Variants in DST observed in about 807,000 individuals in gnomAD.
The protein encoded by DST is bullous pemphigoid antigen.
DST carries 253 observed loss-of-function variants against 875.2 expected under a neutral mutation model. The observed-to-expected ratio is 0.29, with a 90% CI of 0.26 to 0.32. The LOEUF (loss-of-function observed/expected upper bound fraction) is 0.32, where lower values mean the gene tolerates loss of function less well. Ranked by LOEUF, DST falls within the 10% of genes least tolerant of loss-of-function variation. DST has a pLI of 1.00. For missense variants in DST, 8,287 were observed against 9,111.6 expected (o/e 0.91, Z 3.68); for synonymous variants, 3,124 against 3,197.1 (o/e 0.98, Z 0.77).
At chr6:56,485,557 G>T in intron 87 of DST, 86 bp from the exon 88 acceptor site, 2 of 1,326,308 alleles carry the variant, frequency 1.5e-6, no homozygotes, top group Non-Finnish European at 1.0e-6. Context: ...GATGAAGGTT[G>T]AGTGGTACTC....
chr6:56,783,144 C>G (rs1159169266), intron 4 of DST, among the ~76,000 whole-genome samples: 2 of 151,878 alleles, frequency 1.3e-5, no homozygotes, highest in African/African-American at 2.4e-5. Flanking sequence ...TTACTTCCAA[C>G]TATGTGGTCA....
At chr6:56,613,068 A>T (rs2098558012) in intron 37 of DST, among the ~76,000 whole-genome samples, 1 of 152,118 alleles carries the variant, frequency 6.6e-6, no homozygotes. Context: ...CAGAATATAA[A>T]AATACCAAGG....
At chr6:56,849,079 T>G (rs1444545647) in intron 4 of DST, among the ~76,000 whole-genome samples, 2 of 151,212 alleles carry the variant, frequency 1.3e-5, no homozygotes, top group Middle Eastern at 3.2e-3. Context: ...ATCATATGCT[T>G]CCCTACTGTT....
chr6:56,489,175 G>A (rs2095659873), intron 86 of DST, among the ~76,000 whole-genome samples: 2 of 152,128 alleles, frequency 1.3e-5, no homozygotes, highest in South Asian at 2.1e-4. Context: ...CAGCTATCAT[G>A]AAAAACTGAA....
At chr6:56,511,566 G>T (rs938960291) in intron 72 of DST, among the ~76,000 whole-genome samples, 166 bp from the exon 73 acceptor site, 1 of 152,050 alleles carries the variant, frequency 6.6e-6, no homozygotes, top group Non-Finnish European at 1.5e-5. Context: ...AGGAAGAGAA[G>T]GTCCTGACAC....
At chr6:56,485,828 T>C (rs1212106179) in intron 87 of DST, among the ~76,000 whole-genome samples, 1 of 152,160 alleles carries the variant, frequency 6.6e-6, no homozygotes, top group Non-Finnish European at 1.5e-5. Context: ...CTATACATTT[T>C]AACACATGTA....
At chr6:56,874,658 C>T (rs1268457770) in intron 3 of DST, among the ~76,000 whole-genome samples, 1 of 152,180 alleles carries the variant, frequency 6.6e-6, no homozygotes, top group Non-Finnish European at 1.5e-5. Flanking sequence ...TTCTTAAACT[C>T]CAAATTCTGC....
At chr6:56,843,114 A>C (rs777956447) in intron 4 of DST, 5 of 1,574,644 alleles carry the variant, frequency 3.2e-6, no homozygotes, top group South Asian at 1.2e-5. Flanking sequence ...CTCCACGTAC[A>C]GGTAAGCAGC....
At position 56,605,122 on chromosome 6, in the gene DST, G is replaced by A; in HGVS notation, c.9506C>T (p.Ser3169Leu). The A allele has an allele frequency of 6.2e-7, 1 of 1,612,502 alleles. No homozygotes were observed. Among genetic ancestry groups the A allele is most frequent in the Non-Finnish European group, 8.5e-7 (1 of 1,179,228 alleles). The change falls in exon 40 of 104, where the codon TCA becomes TTA. Residue 3169 changes from serine to leucine, a missense_variant. By Grantham distance (145) the Ser-to-Leu change is moderately radical. Around this residue, in one of 10 missense-constraint regions of DST, gnomAD observed 3,138 missense variants for 3,116.6 expected, o/e 1.01. Coordinates refer to ENST00000680361, the MANE Select transcript of DST (RefSeq NM_001374736.1). The stretch of plus-strand genomic sequence containing the variant: ...CTCTTTCTCAGGTCCATCAGTGAAT[G>A]ACTCCTCAAAATGTGTATTCCCTTC... Reference protein sequence around the residue: ...SWEGNTHFEESFTDGPEKELD... With the variant: ...SWEGNTHFEELFTDGPEKELD...
intron 4 of DST, among the ~76,000 whole-genome samples, chr6:56,752,469 T>G (rs1184207042): frequency 6.6e-6 from 1 of 152,216 alleles, no homozygotes; most frequent in Admixed American, 6.5e-5. Context: ...AGTTATCTTG[T>G]GCCTCTTTGC....
intron 3 of DST, among the ~76,000 whole-genome samples, chr6:56,860,549 G>A (rs1041106036): frequency 2.6e-5 from 4 of 152,128 alleles, no homozygotes; most frequent in Non-Finnish European, 5.9e-5. Flanking sequence ...GTAAATGCTG[G>A]CTCAGGCTCC....
chr6:56,752,623 A>G (rs1379993158), intron 4 of DST, among the ~76,000 whole-genome samples: 1 of 151,942 alleles, frequency 6.6e-6, no homozygotes, highest in African/African-American at 2.4e-5. Context: ...TACATTTGGG[A>G]CTCATCCACA....
At chr6:56,713,284 C>T (rs552700437) in intron 5 of DST, among the ~76,000 whole-genome samples, 60 of 152,226 alleles carry the variant, frequency 3.9e-4, no homozygotes, top group Non-Finnish European at 8.1e-4. Context: ...AACTACTTTG[C>T]AATTCTGATT....
At chr6:56,587,183 T>G (rs1482759045) in intron 49 of DST, among the ~76,000 whole-genome samples, 14 of 151,902 alleles carry the variant, frequency 9.2e-5, no homozygotes, top group Non-Finnish European at 1.6e-4. Flanking sequence ...GACGAATGTA[T>G]AACTAGAATA....
At chr6:56,557,601 T>A in intron 58 of DST, 83 bp from the exon 59 acceptor site, 1 of 1,026,498 alleles carries the variant, frequency 9.7e-7, no homozygotes, top group South Asian at 1.6e-5. Flanking sequence ...TGGTATGATT[T>A]AAAATGATAT....
intron 3 of DST, among the ~76,000 whole-genome samples, chr6:56,865,275 G>GTT (rs1412992438): frequency 6.6e-6 from 1 of 151,752 alleles, no homozygotes; most frequent in African/African-American, 2.4e-5. Context: ...GTGTGTGTGT[G>GTT]TGTGTGTGTG....
chr6:56,779,649 C>T, intron 4 of DST, among the ~76,000 whole-genome samples: 1 of 151,744 alleles, frequency 6.6e-6, no homozygotes, highest in Admixed American at 6.6e-5. Flanking sequence ...GGAATCATTT[C>T]CCCATTTCTT....
At position 56,640,028 on chromosome 6, in the gene DST, T is replaced by C. The variant is rs139336917; in HGVS notation, c.2520A>G (p.Ser840=). Residue 840 remains serine (S), a synonymous_variant, in exon 19 of 104, where the codon TCA becomes TCG. Coordinates refer to ENST00000680361, the MANE Select transcript of DST (RefSeq NM_001374736.1). The part of the protein sequence containing the change: ...QVQLDRTEWG[S]DLPSVESHLE... ...AATGGCTTTCAACACTTGGCAAATC[T>C]GAGCCCCACTCAGTGCGGTCCAGTT... 1.6e-5 allele frequency: 26 copies of C among 1,614,134 alleles called. No homozygotes were observed. The highest frequency in any genetic ancestry group is 2.2e-5 in the Non-Finnish European group (26 of 1,179,996).
At chr6:56,617,652 A>G (rs1044006320) in intron 36 of DST, among the ~76,000 whole-genome samples, 2 of 152,162 alleles carry the variant, frequency 1.3e-5, no homozygotes, top group African/African-American at 2.4e-5. Context: ...AGACTAAGAC[A>G]AAGTCTAGCC....
Sources: gnomAD v4.1 joint callset for allele counts (sites outside exome capture counted in the v4.1 genomes callset) on GRCh38, gnomAD v4.1.1 for gene constraint, gnomAD v4.1.1 regional missense constraint, MANE v1.5 for transcripts, NCBI Gene and HGNC (gene_info 2026-07-23, HGNC 2026-07-21) for gene names.